ADGRL2: variants seen among roughly 807,000 people sequenced by gnomAD.
ADGRL2 encodes adhesion G protein-coupled receptor L2, also known as calcium-independent alpha-latrotoxin receptor 2.
Under a neutral mutation model 157.4 loss-of-function variants are expected in ADGRL2, and 44 were observed. That is an observed-to-expected ratio of 0.28 (90% CI 0.22 to 0.36). ADGRL2 has a LOEUF of 0.36. ADGRL2 is among the 10% of genes least tolerant of loss of function. The pLI is 1.00. For synonymous variants in ADGRL2, 585 were observed against 624.7 expected, an observed-to-expected ratio of 0.94 and a Z score of 0.95; for missense variants, 1,510 against 1,768.9, an observed-to-expected ratio of 0.85 and a Z score of 2.63.
intron 2 of ADGRL2, among the ~76,000 whole-genome samples, chr1:81,851,734 TTGTGTGTGTGTGTG>T (rs5775643): frequency 3.4e-5 from 5 of 146,420 alleles, no homozygotes; most frequent in Admixed American, 6.8e-5. Context: ...CCACTTAAAT[TTGTGTGTGTGTGTG>T]TGTGTGTGTG....
At chr1:81,854,898 T>G (rs1385990311) in intron 2 of ADGRL2, among the ~76,000 whole-genome samples, 2 of 149,932 alleles carry the variant, frequency 1.3e-5, no homozygotes, top group African/African-American at 4.9e-5. Flanking sequence ...CTGGATGAAG[T>G]TGGAGCCAGA....
chr1:81,605,080 A>T (rs2081406571), intron 3 of ADGRL2, among the ~76,000 whole-genome samples: 1 of 152,044 alleles, frequency 6.6e-6, no homozygotes. Context: ...CCAACCACAT[A>T]ACCTGAGGAT....
chr1:81,405,016 G>A (rs2076827953), intron 1 of ADGRL2, among the ~76,000 whole-genome samples: 1 of 152,196 alleles, frequency 6.6e-6, no homozygotes, highest in Admixed American at 6.5e-5. Flanking sequence ...CCTCAAGAGT[G>A]TTGAGGTTCT....
chr1:81,816,944 A>C (rs1036275876), intron 1 of ADGRL2, among the ~76,000 whole-genome samples: 4 of 149,982 alleles, frequency 2.7e-5, no homozygotes, highest in Admixed American at 2.7e-4. Context: ...ATGAATGTTG[A>C]ATTCTTAGTT....
At chr1:81,374,245 A>G (rs1244832360) in intron 1 of ADGRL2, among the ~76,000 whole-genome samples, 3 of 152,194 alleles carry the variant, frequency 2.0e-5, no homozygotes, top group African/African-American at 7.2e-5. Context: ...ACGTGACACA[A>G]TAAGTGGAGT....
chr1:81,979,265 C>T (rs1016503824), intron 17 of ADGRL2, among the ~76,000 whole-genome samples: 8 of 151,716 alleles, frequency 5.3e-5, no homozygotes, highest in Admixed American at 1.3e-4. Flanking sequence ...TATCTACTTC[C>T]TTACAATACA....
chr1:81,794,294 C>T (rs1224150263), intron 2 of ADGRL2, among the ~76,000 whole-genome samples: 1 of 152,004 alleles, frequency 6.6e-6, no homozygotes, highest in Non-Finnish European at 1.5e-5. Context: ...CTAAAGTTGC[C>T]CCCATAATGA....
At chr1:81,774,025 C>T (rs1024488019) in intron 2 of ADGRL2, among the ~76,000 whole-genome samples, 1 of 152,140 alleles carries the variant, frequency 6.6e-6, no homozygotes, top group Non-Finnish European at 1.5e-5. Context: ...AGGAGAGAGG[C>T]CTCAGAAGAA....
intron 1 of ADGRL2, among the ~76,000 whole-genome samples, chr1:81,386,063 G>T (rs529961206): frequency 6.6e-6 from 1 of 151,912 alleles, no homozygotes. Context: ...TTTAAATAGC[G>T]CAATCTATTA....
At chr1:81,382,671 G>C (rs912763624) in intron 1 of ADGRL2, among the ~76,000 whole-genome samples, 1 of 152,128 alleles carries the variant, frequency 6.6e-6, no homozygotes, top group African/African-American at 2.4e-5. Flanking sequence ...AAAGACCCTG[G>C]TTCCACCGCC....
upstream of ADGRL2, among the ~76,000 whole-genome samples, chr1:81,696,552 A>T (rs2083447626): frequency 6.6e-6 from 1 of 152,032 alleles, no homozygotes; most frequent in Non-Finnish European, 1.5e-5. Context: ...GGAGATAGAG[A>T]TCATCCTGGC....
chr1:81,654,346 C>T (rs1159689102), intron 3 of ADGRL2, among the ~76,000 whole-genome samples: 1 of 152,136 alleles, frequency 6.6e-6, no homozygotes, highest in Non-Finnish European at 1.5e-5. Flanking sequence ...TTTGTTCCAC[C>T]TTCCATGTCA....
intron 1 of ADGRL2, among the ~76,000 whole-genome samples, chr1:81,826,416 C>T (rs546008930): frequency 1.8e-3 from 233 of 132,080 alleles, no homozygotes; most frequent in Non-Finnish European, 2.9e-3. Context: ...ACAGATGTTG[C>T]ACTTTAATCC....
chr1:81,669,640 A>C (rs970414687), intron 3 of ADGRL2, among the ~76,000 whole-genome samples: 2 of 152,130 alleles, frequency 1.3e-5, no homozygotes, highest in African/African-American at 2.4e-5. Context: ...ATGCTCTAAG[A>C]GCATTTAAAA....
At chr1:81,953,692 A>G (rs1216637666) in intron 10 of ADGRL2, among the ~76,000 whole-genome samples, 1 of 152,160 alleles carries the variant, frequency 6.6e-6, no homozygotes, top group Non-Finnish European at 1.5e-5. Flanking sequence ...TGAGGCTGCC[A>G]TAGTGGTTCT....
chr1:81,639,061 C>A (rs1386766409), intron 3 of ADGRL2, among the ~76,000 whole-genome samples: 1 of 152,122 alleles, frequency 6.6e-6, no homozygotes, highest in Non-Finnish European at 1.5e-5. Flanking sequence ...AAGAAAGTTA[C>A]TTCTTTTATT....
At chr1:81,632,761 A>C (rs1366596411) in intron 3 of ADGRL2, among the ~76,000 whole-genome samples, 1 of 151,996 alleles carries the variant, frequency 6.6e-6, no homozygotes, top group Non-Finnish European at 1.5e-5. Context: ...TCTCAAAAAA[A>C]AAAAAAAAGT....
chr1:81,581,874 G>GCGCGCA (rs1491219557), intron 3 of ADGRL2, among the ~76,000 whole-genome samples: 85 of 83,556 alleles, frequency 1.0e-3, no homozygotes, highest in Middle Eastern at 7.4e-3. Flanking sequence ...ACACATGCGC[G>GCGCGCA]CACACACACA....
At chr1:81,559,990 G>T (rs2080403804) in intron 2 of ADGRL2, among the ~76,000 whole-genome samples, 1 of 152,078 alleles carries the variant, frequency 6.6e-6, no homozygotes, top group Non-Finnish European at 1.5e-5. Context: ...CTTCTTAAAA[G>T]ATCAAAATAT....
Sources: gnomAD v4.1 joint callset for allele counts (sites outside exome capture counted in the v4.1 genomes callset) on GRCh38, gnomAD v4.1.1 for gene constraint, MANE v1.5 for transcripts, NCBI Gene and HGNC (gene_info 2026-07-23, HGNC 2026-07-21) for gene names.